HUNK: variants seen among roughly 807,000 people sequenced by gnomAD.
HUNK encodes hormonally up-regulated neu tumor-associated kinase.
A neutral mutation model predicts 61.0 loss-of-function variants in HUNK; 21 were observed. That is an observed-to-expected ratio of 0.34 (90% CI 0.24 to 0.50). HUNK has a LOEUF of 0.50. HUNK is among the 20% of genes least tolerant of loss of function. HUNK has a pLI of 0.98. For synonymous variants in HUNK, 371 were observed against 386.1 expected (o/e 0.96, Z 0.46); for missense variants, 772 against 945.7 (o/e 0.82, Z 2.41).
At chr21:31,922,624 G>A (rs529346092) in intron 1 of HUNK, among the ~76,000 whole-genome samples, 2 of 152,184 alleles carry the variant, frequency 1.3e-5, no homozygotes, top group African/African-American at 2.4e-5. Flanking sequence ...ACCACGCCCG[G>A]CCTCTTAGCA....
intron 5 of HUNK, among the ~76,000 whole-genome samples, chr21:31,961,405 C>G (rs1178169359): frequency 1.3e-5 from 2 of 152,140 alleles, no homozygotes; most frequent in Admixed American, 1.3e-4. Flanking sequence ...TTCTCTGGGA[C>G]AAATGCCTAA....
intron 1 of HUNK, among the ~76,000 whole-genome samples, chr21:31,910,715 C>G (rs1303292849): frequency 6.6e-6 from 1 of 152,126 alleles, no homozygotes; most frequent in African/African-American, 2.4e-5. Flanking sequence ...TCTCGAACTC[C>G]CAACCTCAGG....
chr21:31,960,261 TA>T (rs1180754855), intron 5 of HUNK, among the ~76,000 whole-genome samples: 1 of 152,144 alleles, frequency 6.6e-6, no homozygotes. Flanking sequence ...ATAAAGCTTA[TA>T]TATCAGCAGG....
chr21:31,920,874 G>C (rs948108606), intron 1 of HUNK, among the ~76,000 whole-genome samples: 3 of 152,144 alleles, frequency 2.0e-5, no homozygotes, highest in African/African-American at 7.2e-5. Flanking sequence ...ACTCTGGGCT[G>C]GGCACGGTGG....
chr21:31,958,456 G>C (rs1054162932), intron 4 of HUNK, among the ~76,000 whole-genome samples: 1 of 152,020 alleles, frequency 6.6e-6, no homozygotes, highest in Non-Finnish European at 1.5e-5. Flanking sequence ...CCGCCACCAC[G>C]CCTGGCTAAT....
intron 1 of HUNK, among the ~76,000 whole-genome samples, chr21:31,915,413 C>G (rs2052575137): frequency 6.6e-6 from 1 of 152,156 alleles, no homozygotes; most frequent in South Asian, 2.1e-4. Flanking sequence ...TTCCCATTCC[C>G]TGTGCATTTT....
At chr21:31,898,264 A>G (rs1435803430) in intron 1 of HUNK, among the ~76,000 whole-genome samples, 1 of 151,970 alleles carries the variant, frequency 6.6e-6, no homozygotes, top group Non-Finnish European at 1.5e-5. Context: ...CTTTGTGGGT[A>G]TTTATTTAAT....
chr21:31,942,248 G>A (rs902534802), intron 3 of HUNK, among the ~76,000 whole-genome samples: 2 of 152,158 alleles, frequency 1.3e-5, no homozygotes, highest in South Asian at 4.1e-4. Flanking sequence ...AGGTACAGAC[G>A]GAGTTTCCAC....
At chr21:31,915,359 T>G (rs1267542964) in intron 1 of HUNK, among the ~76,000 whole-genome samples, 1 of 152,190 alleles carries the variant, frequency 6.6e-6, no homozygotes, top group East Asian at 1.9e-4. Flanking sequence ...AAAGCTTTTT[T>G]GGGGATAATT....
At chr21:31,990,492 A>G (rs980343168) in intron 9 of HUNK, among the ~76,000 whole-genome samples, 3 of 151,486 alleles carry the variant, frequency 2.0e-5, no homozygotes, top group Non-Finnish European at 4.4e-5. Context: ...ATCTACTTGA[A>G]GTCTACTAAT....
Position 32,000,089 on chromosome 21 carries a change from G to A in HUNK, c.*905G>A. ...TGTTCATCCTGTTGTTTAAGGCATA[G>A]CCCTGATCCTTCTGGAAGGCATAGA... On this transcript the variant is annotated 3_prime_UTR_variant, in exon 11 of 11. Transcript: ENST00000270112. 2.5e-6 allele frequency: 1 copy of A among 398,228 alleles called. No homozygotes were observed. The allele number at this position is 398,228 out of a possible 1,614,324, so 24.7% of individuals were successfully genotyped here.
chr21:31,994,820 G>A (rs2123257612), intron 9 of HUNK, among the ~76,000 whole-genome samples: 1 of 152,326 alleles, frequency 6.6e-6, no homozygotes, highest in East Asian at 1.9e-4. Context: ...CCTATCAGAT[G>A]GATTATATTC....
chr21:31,934,081 C>T (rs1242939988), intron 2 of HUNK, among the ~76,000 whole-genome samples: 1 of 152,084 alleles, frequency 6.6e-6, no homozygotes, highest in Admixed American at 6.6e-5. Flanking sequence ...TTCACATGGA[C>T]CACAAGGAGG....
intron 5 of HUNK, among the ~76,000 whole-genome samples, chr21:31,967,413 C>T (rs11911992): frequency 0.29 from 44,252 of 152,016 alleles, 6,585 homozygotes; most frequent in South Asian, 0.38. Context: ...GCATTATAAA[C>T]GCATTTTTAC....
chr21:31,977,655 G>A (rs2053059713), intron 7 of HUNK, among the ~76,000 whole-genome samples: 1 of 152,212 alleles, frequency 6.6e-6, no homozygotes, highest in African/African-American at 2.4e-5. Context: ...AAGCAAGAGA[G>A]ACATTTTATC....
chr21:31,924,777 G>C lies in HUNK; in HGVS notation c.554+17G>C. ...GGTCCACAGGTAAGGGCCAGGCCACGCTGGTGATCGCTGACTGTGTGCTCC... is the reference window on the plus strand; with the variant it reads ...GGTCCACAGGTAAGGGCCAGGCCACCCTGGTGATCGCTGACTGTGTGCTCC... On this transcript the variant is annotated intron_variant, in intron 2 of 10. Transcript: ENST00000270112. The surrounding 1 kb of genome is among the most constrained non-coding windows in gnomAD (Gnocchi z 5.1). 1 of 1,569,718 alleles carries C rather than the reference G, an allele frequency of 6.4e-7. No homozygotes were observed. The highest frequency in any genetic ancestry group is 8.6e-7 in the Non-Finnish European group (1 of 1,158,714).
At chr21:31,976,410 C>T (rs1435741744) in intron 7 of HUNK, among the ~76,000 whole-genome samples, 4 of 147,546 alleles carry the variant, frequency 2.7e-5, no homozygotes, top group East Asian at 4.0e-4. Context: ...ACATACTGGA[C>T]TTGAAGCTGT....
intron 1 of HUNK, among the ~76,000 whole-genome samples, chr21:31,923,942 G>A (rs1193159646): frequency 1.3e-5 from 2 of 152,140 alleles, no homozygotes; most frequent in Non-Finnish European, 2.9e-5. Flanking sequence ...GCGGAGCGGG[G>A]GCGGGCAAGG....
intron 5 of HUNK, among the ~76,000 whole-genome samples, chr21:31,966,281 A>G (rs914823915): frequency 2.0e-5 from 3 of 152,144 alleles, no homozygotes; most frequent in Admixed American, 6.5e-5. Flanking sequence ...TGGTGTTTAT[A>G]TATATGACAT....
Sources: gnomAD v4.1 joint callset for allele counts (sites outside exome capture counted in the v4.1 genomes callset) on GRCh38, gnomAD v4.1.1 for gene constraint, Gnocchi (gnomAD v3.1) non-coding constraint, MANE v1.5 for transcripts, NCBI Gene and HGNC (gene_info 2026-07-23, HGNC 2026-07-21) for gene names.